Variants in LUZP2 observed in about 807,000 individuals in gnomAD.
LUZP2 encodes the protein leucine zipper protein 2.
LUZP2 carries 52 observed loss-of-function variants against 51.6 expected under a neutral mutation model. The observed-to-expected ratio is 1.01, with a 90% CI of 0.81 to 1.27. The LOEUF is 1.27. Among genes scored for constraint, LUZP2 ranks in the 50% most tolerant of loss-of-function variants. The pLI is 0.00. For synonymous variants in LUZP2, 154 were observed against 137.3 expected, an observed-to-expected ratio of 1.12 and a Z score of -0.85; for missense variants, 436 against 395.4, an observed-to-expected ratio of 1.10 and a Z score of -0.87.
Position 24,532,562 on chromosome 11 carries a change from T to C in LUZP2, c.62+35257T>C, listed in dbSNP as rs528572250. ...CATCCTTCATCAAAACACAAAAAAGTCGCTATAACTAGTATATACTTCTAT... is the reference window on the plus strand; with the variant it reads ...CATCCTTCATCAAAACACAAAAAAGCCGCTATAACTAGTATATACTTCTAT... On this transcript the variant is annotated intron_variant, in intron 1 of 11. Transcript: ENST00000336930. Among the ~76,000 whole-genome samples the C allele has an allele frequency of 2.6e-5, 4 of 151,178 alleles. No individual in the cohort carries two copies. In the South Asian group the frequency reaches 8.3e-4, roughly 31 times the overall value.
At chr11:24,599,757 C>T (rs1250809423) in intron 1 of LUZP2, among the ~76,000 whole-genome samples, 1 of 152,028 alleles carries the variant, frequency 6.6e-6, no homozygotes, top group Admixed American at 6.6e-5. Context: ...CTGAGATATA[C>T]TGAGATATTT....
intron 8 of LUZP2, among the ~76,000 whole-genome samples, chr11:24,982,908 C>T (rs1856077562): frequency 6.6e-6 from 1 of 151,632 alleles, no homozygotes; most frequent in Non-Finnish European, 1.5e-5. Context: ...CTTTGTATTT[C>T]AGTGTTCAAA....
intron 7 of LUZP2, among the ~76,000 whole-genome samples, chr11:24,955,076 C>G (rs778451383): frequency 6.6e-6 from 1 of 151,920 alleles, no homozygotes; most frequent in Admixed American, 6.6e-5. Context: ...AAAATATCTC[C>G]CTGGCAGCCT....
chr11:24,827,990 A>G (rs1050497721), intron 5 of LUZP2, among the ~76,000 whole-genome samples: 2 of 151,980 alleles, frequency 1.3e-5, no homozygotes, highest in Non-Finnish European at 1.5e-5. Context: ...GTAGGTCTGC[A>G]ACTTACAGAT....
chr11:24,547,551 A>G (rs1234624187), intron 1 of LUZP2, among the ~76,000 whole-genome samples: 1 of 152,124 alleles, frequency 6.6e-6, no homozygotes, highest in Admixed American at 6.6e-5. Flanking sequence ...TCCTTTTACC[A>G]TATGTAATAC....
At chr11:24,869,499 G>A (rs886902727) in intron 5 of LUZP2, among the ~76,000 whole-genome samples, 4 of 151,762 alleles carry the variant, frequency 2.6e-5, no homozygotes, top group Admixed American at 6.6e-5. Context: ...CTCTGTCGCC[G>A]AGGCTGGAGT....
chr11:25,067,440 A>G (rs1859028968), intron 10 of LUZP2, among the ~76,000 whole-genome samples: 1 of 152,062 alleles, frequency 6.6e-6, no homozygotes, highest in African/African-American at 2.4e-5. Flanking sequence ...TGTTTTAGTC[A>G]TGAAGTCTTT....
intron 1 of LUZP2, among the ~76,000 whole-genome samples, chr11:24,679,566 A>T (rs1220485663): frequency 2.6e-5 from 4 of 152,092 alleles, no homozygotes; most frequent in Non-Finnish European, 4.4e-5. Flanking sequence ...AAGATTTTTT[A>T]AATTAACTAT....
At chr11:24,610,977 T>C (rs1274464761) in intron 1 of LUZP2, among the ~76,000 whole-genome samples, 1 of 152,218 alleles carries the variant, frequency 6.6e-6, no homozygotes, top group Non-Finnish European at 1.5e-5. Flanking sequence ...CTTTTTAATA[T>C]GATTAAACCA....
At chr11:24,864,298 G>A (rs748075116) in intron 5 of LUZP2, among the ~76,000 whole-genome samples, 8 of 149,546 alleles carry the variant, frequency 5.3e-5, no homozygotes, top group East Asian at 1.9e-4. Context: ...ATGAAAAGCC[G>A]AATTAATAAT....
At chr11:24,528,394 T>C (rs1850886636) in intron 1 of LUZP2, among the ~76,000 whole-genome samples, 2 of 151,400 alleles carry the variant, frequency 1.3e-5, no homozygotes, top group Admixed American at 6.6e-5. Flanking sequence ...AAAGAACATC[T>C]CAGGGGAGCA....
At chr11:24,598,628 A>G (rs1452200316) in intron 1 of LUZP2, among the ~76,000 whole-genome samples, 1 of 152,178 alleles carries the variant, frequency 6.6e-6, no homozygotes, top group Non-Finnish European at 1.5e-5. Context: ...GTCCCTGAAA[A>G]TAAGCTAATC....
intron 10 of LUZP2, among the ~76,000 whole-genome samples, chr11:25,060,912 A>G (rs1375488162): frequency 6.6e-6 from 1 of 152,016 alleles, no homozygotes; most frequent in Non-Finnish European, 1.5e-5. Context: ...TATTTTTCAA[A>G]TTAAAATTTT....
At chr11:24,646,259 T>C (rs1855455919) in intron 1 of LUZP2, among the ~76,000 whole-genome samples, 1 of 152,012 alleles carries the variant, frequency 6.6e-6, no homozygotes, top group Admixed American at 6.6e-5. Flanking sequence ...ATATTAGATA[T>C]CTGATTTTCA....
chr11:24,752,677 T>A (rs1227184309), intron 4 of LUZP2, among the ~76,000 whole-genome samples: 1 of 99,168 alleles, frequency 1.0e-5, no homozygotes, highest in African/African-American at 3.9e-5. Context: ...AAAATTAGAA[T>A]GTGTAATATT....
chr11:24,760,963 G>C (rs1859957255), intron 4 of LUZP2, among the ~76,000 whole-genome samples: 4 of 152,224 alleles, frequency 2.6e-5, no homozygotes, highest in African/African-American at 9.6e-5. Context: ...TATCTCAGCT[G>C]AGAACTAGCC....
intron 5 of LUZP2, among the ~76,000 whole-genome samples, chr11:24,835,284 C>G (rs1850830031): frequency 6.6e-6 from 1 of 152,094 alleles, no homozygotes. Context: ...GGACCCTTTC[C>G]TTACACCTTA....
chr11:24,695,969 G>A (rs1170787852), intron 1 of LUZP2, among the ~76,000 whole-genome samples: 1 of 151,964 alleles, frequency 6.6e-6, no homozygotes, highest in Admixed American at 6.6e-5. Flanking sequence ...TATAATATAT[G>A]TTCAGAAGTA....
intron 7 of LUZP2, among the ~76,000 whole-genome samples, chr11:24,957,996 G>A (rs886101984): frequency 6.6e-6 from 1 of 152,086 alleles, no homozygotes; most frequent in Non-Finnish European, 1.5e-5. Context: ...GTGAGAATAT[G>A]CGATGTTTGG....
Sources: allele counts gnomAD v4.1 joint callset (sites outside exome capture counted in the v4.1 genomes callset), GRCh38; gene constraint gnomAD v4.1.1; transcripts MANE v1.5; gene names NCBI Gene and HGNC (gene_info 2026-07-23, HGNC 2026-07-21).